Variants in ATP1A4 observed in about 807,000 individuals in gnomAD.
The protein encoded by ATP1A4 is ATPase Na+/K+ transporting subunit alpha 4.
Under a neutral mutation model 114.3 loss-of-function variants are expected in ATP1A4, and 90 were observed. That is an observed-to-expected ratio of 0.79 (90% CI 0.66 to 0.94). ATP1A4 has a LOEUF of 0.94. Ranked by LOEUF, ATP1A4 falls within the 40% of genes least tolerant of loss-of-function variation. The probability of loss-of-function intolerance (pLI) is 0.00; values close to 1 mark genes in which losing one functional copy is unlikely to be tolerated. For missense variants in ATP1A4, 1,222 were observed against 1,313.6 expected (o/e 0.93, Z 1.08); for synonymous variants, 511 against 494.1 (o/e 1.03, Z -0.45).
At position 160,166,729 on chromosome 1, in the gene ATP1A4, G is replaced by T. The variant is rs1465417665; in HGVS notation, c.1246+3G>T. 1 of 1,614,210 alleles carries T rather than the reference G, an allele frequency of 6.2e-7. No homozygotes were observed. Among genetic ancestry groups the T allele is most frequent in the Admixed American group, 1.7e-5 (1 of 60,030 alleles). The stretch of plus-strand genomic sequence containing the variant: ...CGACACCACTGAAGAACAGACTGGT[G>T]ACTAGTGGTATTGGTGGAACAAGAG... On this transcript the variant is annotated splice_donor_region_variant and intron_variant, in intron 8 of 21. Coordinates refer to ENST00000368081, the MANE Select transcript of ATP1A4 (RefSeq NM_144699.4).
At chr1:160,186,618 T>C in intron 21 of ATP1A4, 53 bp from the exon 22 acceptor site, 1 of 1,590,670 alleles carries the variant, frequency 6.3e-7, no homozygotes, top group Non-Finnish European at 8.6e-7. Context: ...CTGTCTCCCC[T>C]GGATGCCTCT....
Position 160,164,276 on chromosome 1 carries a change from T to G in ATP1A4, c.899T>G (p.Ile300Ser), listed in dbSNP as rs1285958992. Residue 300 changes from isoleucine (I) to serine (S), a missense_variant, in exon 7 of 22, where the codon ATC (isoleucine) becomes AGC (serine). Transcript: ENST00000368081. ...ATCGCTGCTGAGATCGAACACTTCA[T>G]CCATCTGATCACTGTGGTGGCCGTC... ...TPIAAEIEHFIHLITVVAVFL... is the reference protein window; with the variant it reads ...TPIAAEIEHFSHLITVVAVFL... The G allele has an allele frequency of 2.5e-6, 4 of 1,614,198 alleles. No homozygotes were observed. The highest frequency in any genetic ancestry group is 3.4e-6 in the Non-Finnish European group (4 of 1,180,030).
rs967369620 is a variant in ATP1A4, at chr1:160,176,201, T to G, written c.2421T>G (p.Pro807=). ...TCATCATCCTCGGTATACCCCTGCC[T>G]CTGGGAACCATAACCATCCTCTGCA... is the stretch of plus-strand genomic sequence containing the variant. ...LMFIILGIPL[P]LGTITILCID... Residue 807 remains proline (P), a synonymous_variant, in exon 16 of 22, where the codon CCT becomes CCG. Transcript: ENST00000368081. The G allele has an allele frequency of 6.2e-7, 1 of 1,613,978 alleles. No individual in the cohort carries two copies. The highest frequency in any genetic ancestry group is 1.3e-5 in the African/African-American group (1 of 74,900).
At chr1:160,169,574 T>C (rs781108946) in intron 10 of ATP1A4, 1 of 152,272 alleles carries the variant, frequency 6.6e-6, no homozygotes, top group Non-Finnish European at 1.5e-5. Context: ...CCACGTTTTG[T>C]GCACTGGTTT....
At chr1:160,176,855 T>C (rs16831518) in intron 17 of ATP1A4, among the ~76,000 whole-genome samples, 33,376 of 152,074 alleles carry the variant, frequency 0.22, 4,167 homozygotes, top group African/African-American at 0.31. Flanking sequence ...TACTACAGGA[T>C]TACAAAGCAA....
At chr1:160,160,885 A>G (rs1652843354) in intron 6 of ATP1A4, among the ~76,000 whole-genome samples, 1 of 152,216 alleles carries the variant, frequency 6.6e-6, no homozygotes, top group African/African-American at 2.4e-5. Context: ...GATTGGACAG[A>G]AGCAAGTTAG....
chr1:160,184,101 C>T (rs952203879), intron 20 of ATP1A4, among the ~76,000 whole-genome samples: 5 of 151,934 alleles, frequency 3.3e-5, no homozygotes, highest in Non-Finnish European at 7.4e-5. Context: ...TACAGGCACG[C>T]GTCACCACAC....
intron 6 of ATP1A4, among the ~76,000 whole-genome samples, chr1:160,163,445 T>C (rs1015300049): frequency 6.6e-6 from 1 of 152,044 alleles, no homozygotes; most frequent in African/African-American, 2.4e-5. Flanking sequence ...CCTCCTCAGG[T>C]TTGATTAATT....
rs548392038 is a variant in ATP1A4, at chr1:160,171,828, A to G, written c.1854+71A>G. The stretch of plus-strand genomic sequence containing the variant: ...AAGCATCTACTAGAAGGCCTTGCGC[A>G]GAGTAGATGCTTAATACCCTTAGTT... On this transcript the variant is annotated intron_variant, in intron 12 of 21. Coordinates refer to ENST00000368081, the MANE Select transcript of ATP1A4 (RefSeq NM_144699.4). The G allele has an allele frequency of 6.7e-4, 987 of 1,467,488 alleles. 3 individuals are homozygous for G. The African/African-American group carries it at 0.013, about 19-fold the overall frequency. The allele number at this position is 1,467,488 out of a possible 1,614,324, so 90.9% of individuals were successfully genotyped here. A position where few individuals can be genotyped will look rare whatever the true frequency, so the allele number is the denominator to read the frequency against.
chr1:160,171,788 A>G, intron 12 of ATP1A4, 31 bp downstream of exon 12: 1 of 1,602,936 alleles, frequency 6.2e-7, no homozygotes, highest in Non-Finnish European at 8.5e-7. Context: ...GGAGCCCCTC[A>G]CCTGTCACAA....
rs529452306 is a variant in ATP1A4 at position 160,174,799 on chromosome 1, G to T, written c.2311+52G>T. ...AGACTTCAACCCTGGACTCAGGTGG[G>T]GGTTGGTGTACATCCCCTCTTTCCG... On this transcript the variant is annotated intron_variant, in intron 15 of 21. Coordinates refer to ENST00000368081, the MANE Select transcript of ATP1A4 (RefSeq NM_144699.4). The T allele has an allele frequency of 6.8e-6, 11 of 1,609,138 alleles. No individual in the cohort carries two copies. In the East Asian group the frequency reaches 1.1e-4, roughly 16 times the overall value.
intron 2 of ATP1A4, among the ~76,000 whole-genome samples, chr1:160,153,591 G>T (rs1450842703): frequency 6.6e-6 from 1 of 152,072 alleles, no homozygotes; most frequent in Non-Finnish European, 1.5e-5. Context: ...GTTTTAAAAT[G>T]TATTTCTCAA....
intron 6 of ATP1A4, among the ~76,000 whole-genome samples, chr1:160,161,419 C>T (rs902428144): frequency 1.3e-5 from 2 of 152,192 alleles, no homozygotes; most frequent in Non-Finnish European, 2.9e-5. Context: ...TATGAAGAAG[C>T]CAGTCTGGCC....
chr1:160,186,205 G>C (rs1327063158), intron 20 of ATP1A4, 71 bp from the exon 21 acceptor site: 11 of 1,021,196 alleles, frequency 1.1e-5, no homozygotes, highest in African/African-American at 3.2e-5. Flanking sequence ...CAATTCCTGT[G>C]CATTGCCCTC....
intron 14 of ATP1A4, 102 bp downstream of exon 14, chr1:160,174,363 T>G (rs956742127): frequency 1.3e-6 from 2 of 1,514,068 alleles, no homozygotes; most frequent in East Asian, 4.7e-5. Flanking sequence ...TAGAGGAGAC[T>G]CCAGAGAGTA....
chr1:160,186,166 C>A, intron 20 of ATP1A4, 110 bp from the exon 21 acceptor site: 2 of 773,100 alleles, frequency 2.6e-6, no homozygotes, highest in Non-Finnish European at 4.6e-6. Context: ...CAGTCCCACG[C>A]ACACAGTAGA....
chr1:160,181,198 T>G (rs1653686532), intron 18 of ATP1A4, among the ~76,000 whole-genome samples: 1 of 152,094 alleles, frequency 6.6e-6, no homozygotes, highest in Non-Finnish European at 1.5e-5. Flanking sequence ...CATAAACAAA[T>G]CATGATACAA....
rs761375266 is a variant in ATP1A4, at chr1:160,171,455, GAGA to G, written c.1681+18_1681+20del. 1.9e-4 allele frequency: 308 copies of G among 1,611,008 alleles called. No homozygotes were observed. Among genetic ancestry groups the G allele is most frequent in the Middle Eastern group, 3.3e-4 (2 of 6,076 alleles). ...ACGTGTGCTAGGTGAGGAGCTTTGG[GAGA>G]AGTTTTTAAAAGAATGGCATCAAAA... On this transcript the variant is annotated intron_variant, in intron 11 of 21. Coordinates refer to ENST00000368081, the MANE Select transcript of ATP1A4 (RefSeq NM_144699.4).
Position 160,171,333 on chromosome 1 carries a change from G to A in ATP1A4, c.1574G>A (p.Cys525Tyr), listed in dbSNP as rs200739116. ...KGAPERILEF[C>Y]STFLLNGQEY... ...GCTCCGGAGAGGATCTTGGAGTTTT[G>A]TTCTACCTTTCTTCTGAATGGGCAG... Residue 525 changes from cysteine to tyrosine, a missense_variant, in exon 11 of 22, where the codon TGT becomes TAT. Coordinates refer to ENST00000368081, the MANE Select transcript of ATP1A4 (RefSeq NM_144699.4). The A allele has an allele frequency of 4.2e-4, 675 of 1,613,956 alleles. No homozygotes were observed. The highest frequency in any genetic ancestry group is 5.4e-4 in the Non-Finnish European group (638 of 1,180,016).
Sources: allele counts gnomAD v4.1 joint callset (sites outside exome capture counted in the v4.1 genomes callset), GRCh38; gene constraint gnomAD v4.1.1; transcripts MANE v1.5; gene names NCBI Gene and HGNC (gene_info 2026-07-23, HGNC 2026-07-21).